RHBDL3: variants seen among roughly 807,000 people sequenced by gnomAD.
The protein encoded by RHBDL3 is rhomboid like 3, also known as rhomboid-related protein 3.
In RHBDL3, 28 loss-of-function variants were observed where a neutral mutation model predicts 48.2. The ratio of observed to expected loss-of-function variants is 0.58; its 90% CI spans 0.43 to 0.80. RHBDL3 has a LOEUF of 0.80. Among genes scored for constraint, RHBDL3 ranks in the 30% least tolerant of loss-of-function variants. RHBDL3 has a pLI of 0.00. For synonymous variants in RHBDL3, 208 were observed against 232.3 expected (o/e 0.90, Z 0.95); for missense variants, 464 against 542.7 (o/e 0.85, Z 1.44).
At chr17:32,274,400 T>C (rs2039846470) in intron 2 of RHBDL3, among the ~76,000 whole-genome samples, 1 of 152,216 alleles carries the variant, frequency 6.6e-6, no homozygotes, top group African/African-American at 2.4e-5. Context: ...GTAGCCCCCA[T>C]CACCATTCCC....
chr17:32,276,829 AGCACCTTACTCCG>A (rs2039920436), intron 2 of RHBDL3, among the ~76,000 whole-genome samples: 19 of 88,424 alleles, frequency 2.1e-4, no homozygotes, highest in African/African-American at 6.9e-4. Context: ...CTCCGGCCCT[AGCACCTTACTCCG>A]GCCCTAGCAC....
At chr17:32,267,033 T>C (rs1288607546) in intron 1 of RHBDL3, among the ~76,000 whole-genome samples, 1 of 151,300 alleles carries the variant, frequency 6.6e-6, no homozygotes, top group Non-Finnish European at 1.5e-5. Context: ...GGAACTGGAG[T>C]TTCTTGGGTT....
chr17:32,294,256 G>A (rs1404332426), intron 4 of RHBDL3, 38 bp from the exon 5 acceptor site: 1 of 1,598,392 alleles, frequency 6.3e-7, no homozygotes, highest in Non-Finnish European at 8.5e-7. Flanking sequence ...TTCCTGGGCA[G>A]TGTGCACCTA....
intron 4 of RHBDL3, among the ~76,000 whole-genome samples, chr17:32,289,857 C>A (rs902279976): frequency 1.3e-5 from 2 of 152,214 alleles, no homozygotes; most frequent in African/African-American, 4.8e-5. Flanking sequence ...TGCATATGTT[C>A]TTGTAAAGTT....
chr17:32,292,504 G>C lies in RHBDL3; in HGVS notation c.520-1790G>C, dbSNP rs181606242. ...AAGTGTCCATCGGTAGATGAATGGAGAAACAAAATGTGGTCTGTGTTTATA... is the reference window on the plus strand; with the variant it reads ...AAGTGTCCATCGGTAGATGAATGGACAAACAAAATGTGGTCTGTGTTTATA... On this transcript the variant is annotated intron_variant, in intron 4 of 8. Transcript: ENST00000269051. Among the ~76,000 whole-genome samples, 799 of 152,252 alleles carry C rather than the reference G, an allele frequency of 5.2e-3. 12 individuals carry two copies. Among genetic ancestry groups the C allele is most frequent in the African/African-American group, 0.018 (730 of 41,556 alleles).
Position 32,302,073 on chromosome 17 carries a change from G to T in RHBDL3, c.782-3268G>T, listed in dbSNP as rs149837654. ...ATCCTGATGAGAACTAAGGCCCATG[G>T]TTTGCCTCTGTGCAGAGGTGTGGCA... On this transcript the variant is annotated intron_variant, in intron 6 of 8. Transcript: ENST00000269051. Among the ~76,000 whole-genome samples the T allele has an allele frequency of 1.1e-3, 171 of 152,318 alleles. 1 individual carries two copies. Among genetic ancestry groups the T allele is most frequent in the African/African-American group, 4.0e-3 (165 of 41,566 alleles).
intron 6 of RHBDL3, among the ~76,000 whole-genome samples, chr17:32,301,777 C>T (rs988096746): frequency 6.6e-6 from 1 of 151,932 alleles, no homozygotes; most frequent in African/African-American, 2.4e-5. Flanking sequence ...GCAGAAATCT[C>T]ATCATTGCAC....
At position 32,321,441 on chromosome 17, in the gene RHBDL3, T is replaced by A. The variant is rs2041131964; in HGVS notation, c.*212T>A. On this transcript the variant is annotated 3_prime_UTR_variant, in exon 9 of 9. Coordinates refer to ENST00000269051, the MANE Select transcript of RHBDL3 (RefSeq NM_138328.3). ...GAGGAGTTGATGTGGCTGCTGTCGT[T>A]TTTCTCGGCTGCTCTGATGACATCG... 1 of 1,401,980 alleles carries A rather than the reference T, an allele frequency of 7.1e-7. No homozygotes were observed. The highest frequency in any genetic ancestry group is 9.6e-7 in the Non-Finnish European group (1 of 1,039,444). The allele number at this position is 1,401,980 out of a possible 1,614,324, so 86.8% of individuals were successfully genotyped here.
chr17:32,319,559 C>CA (rs1420965209), intron 8 of RHBDL3, among the ~76,000 whole-genome samples: 1 of 152,080 alleles, frequency 6.6e-6, no homozygotes, highest in African/African-American at 2.4e-5. Flanking sequence ...AAGGCTGTCC[C>CA]AGGGCAGGAG....
intron 7 of RHBDL3, among the ~76,000 whole-genome samples, chr17:32,315,883 G>A (rs1320864950): frequency 6.6e-6 from 1 of 151,730 alleles, no homozygotes; most frequent in Non-Finnish European, 1.5e-5. Flanking sequence ...TGGTGGTTCT[G>A]TCTTGACTTT....
chr17:32,289,061 G>T, intron 4 of RHBDL3, 45 bp downstream of exon 4: 1 of 1,538,268 alleles, frequency 6.5e-7, no homozygotes, highest in Middle Eastern at 1.7e-4. Flanking sequence ...TTGGGGAGTG[G>T]CGGGTATGGG....
chr17:32,283,545 C>G (rs185008340), intron 2 of RHBDL3, among the ~76,000 whole-genome samples: 2,659 of 151,706 alleles, frequency 0.018, 34 homozygotes, highest in Middle Eastern at 0.038. Flanking sequence ...GGATGGTCTC[C>G]ATCTCCTGAC....
In RHBDL3 at chr17:32,288,864, C is replaced by T. The variant is rs150485822; in HGVS notation, c.367C>T (p.Leu123=). 182 of 1,614,204 alleles carry T rather than the reference C, an allele frequency of 1.1e-4. No individual in the cohort carries two copies. Among genetic ancestry groups the T allele is most frequent in the Non-Finnish European group, 1.5e-4 (175 of 1,180,038 alleles). ...CAACCGCAGGCTAAGCAGCAAGGCC[C>T]TGCTGGAGGAGAAGGGGCTGAGCCT... ...QGNRRLSSKA[L]LEEKGLSLSQ... The change falls in exon 4 of 9, where the codon CTG becomes TTG. Residue 123 remains leucine (L), a synonymous_variant. Transcript: ENST00000269051.
At chr17:32,305,779 G>C (rs372550787) in intron 7 of RHBDL3, among the ~76,000 whole-genome samples, 1 of 144,530 alleles carries the variant, frequency 6.9e-6, no homozygotes. Context: ...TTAGCCAGGC[G>C]TGGTGGCATG....
At position 32,265,841 on chromosome 17, in the gene RHBDL3, G is replaced by C. The variant is rs1261690814; in HGVS notation, c.-349G>C. The stretch of plus-strand genomic sequence containing the variant: ...AGGAGGAGACTCGGGCGCAGAGCGG[G>C]GGCCGCGAGAAGCGGGAAGGGAGCG... On this transcript the variant is annotated 5_prime_UTR_variant, in exon 1 of 9. Transcript: ENST00000269051. 6.8e-6 allele frequency among the ~76,000 whole-genome samples: 1 copy of C among 147,486 alleles called. No homozygotes were observed. The highest frequency in any genetic ancestry group is 1.5e-5 in the Non-Finnish European group (1 of 66,164).
intron 3 of RHBDL3, among the ~76,000 whole-genome samples, chr17:32,287,246 G>A (rs566173133): frequency 2.6e-5 from 4 of 152,262 alleles, no homozygotes; most frequent in African/African-American, 7.2e-5. Flanking sequence ...CTCCCACCAC[G>A]GGTGCTGTGC....
chr17:32,278,423 C>T (rs28394218), intron 2 of RHBDL3, among the ~76,000 whole-genome samples: 47,653 of 152,102 alleles, frequency 0.31, 8,145 homozygotes, highest in African/African-American at 0.46. Flanking sequence ...GTCTTGACCG[C>T]GAACTCACTC....
chr17:32,290,356 C>T (rs2040298703), intron 4 of RHBDL3, among the ~76,000 whole-genome samples: 1 of 152,124 alleles, frequency 6.6e-6, no homozygotes, highest in South Asian at 2.1e-4. Flanking sequence ...AACTGAGGGC[C>T]AGAGAATTCA....
intron 2 of RHBDL3, chr17:32,284,421 C>G (rs1846180882): frequency 4.2e-6 from 2 of 473,430 alleles, no homozygotes; most frequent in Non-Finnish European, 7.5e-6. Flanking sequence ...CTCTGAGCCT[C>G]AGTTTCCTTA....
Sources: allele counts gnomAD v4.1 joint callset (sites outside exome capture counted in the v4.1 genomes callset), GRCh38; gene constraint gnomAD v4.1.1; transcripts MANE v1.5; gene names NCBI Gene and HGNC (gene_info 2026-07-23, HGNC 2026-07-21).